PRMT3: variants seen among roughly 807,000 people sequenced by gnomAD.
PRMT3 encodes protein arginine methyltransferase 3, also known as protein arginine N-methyltransferase 3.
A neutral mutation model predicts 71.9 loss-of-function variants in PRMT3; 62 were observed. That is an observed-to-expected ratio of 0.86 (90% CI 0.70 to 1.07). The LOEUF (loss-of-function observed/expected upper bound fraction) is 1.07, where lower values mean the gene tolerates loss of function less well. Among genes scored for constraint, PRMT3 ranks in the 50% least tolerant of loss-of-function variants. The pLI, the probability that PRMT3 is intolerant of heterozygous loss-of-function variation, is 0.00. For synonymous variants in PRMT3, 213 were observed against 220.4 expected (o/e 0.97, Z 0.30); for missense variants, 663 against 643.0 (o/e 1.03, Z -0.34).
intron 13 of PRMT3, among the ~76,000 whole-genome samples, chr11:20,481,624 A>AT (rs1188874492): frequency 6.6e-6 from 1 of 151,970 alleles, no homozygotes; most frequent in African/African-American, 2.4e-5. Flanking sequence ...TAATTTTGAG[A>AT]TTTTTCCCAT....
At chr11:20,392,017 T>C (rs7932200) in intron 3 of PRMT3, among the ~76,000 whole-genome samples, 194 bp from the exon 4 acceptor site, 124,747 of 152,148 alleles carry the variant, frequency 0.82, 53,066 homozygotes, top group Non-Finnish European at 0.95. Context: ...AATTTGTCAT[T>C]TATGGCTGCT....
At chr11:20,441,511 G>A (rs1174853692) in intron 10 of PRMT3, among the ~76,000 whole-genome samples, 1 of 151,690 alleles carries the variant, frequency 6.6e-6, no homozygotes, top group Admixed American at 6.6e-5. Context: ...GTTTCACCAT[G>A]TTAGCCAGGA....
intron 8 of PRMT3, among the ~76,000 whole-genome samples, chr11:20,404,977 A>G (rs1424264144): frequency 6.6e-6 from 1 of 152,226 alleles, no homozygotes; most frequent in African/African-American, 2.4e-5. Context: ...GACTTGTCTT[A>G]TAATAGGTAA....
At chr11:20,507,648 G>A (rs141398498) in intron 15 of PRMT3, among the ~76,000 whole-genome samples, 6 of 151,634 alleles carry the variant, frequency 4.0e-5, no homozygotes, top group African/African-American at 9.7e-5. Flanking sequence ...TCATGGTGGC[G>A]CATGCCTGTA....
At chr11:20,412,547 T>A (rs569534207) in intron 9 of PRMT3, among the ~76,000 whole-genome samples, 31 of 152,282 alleles carry the variant, frequency 2.0e-4, no homozygotes, top group African/African-American at 6.3e-4. Context: ...CGATTTTTTT[T>A]ATACATTTCC....
At chr11:20,471,475 TC>T (rs1232648424) in intron 13 of PRMT3, among the ~76,000 whole-genome samples, 1 of 152,144 alleles carries the variant, frequency 6.6e-6, no homozygotes, top group African/African-American at 2.4e-5. Flanking sequence ...GAGACTCCTT[TC>T]CCCTTTGCTT....
At chr11:20,388,248 G>C (rs1160288729) in intron 2 of PRMT3, 94 bp downstream of exon 2, 18 of 1,556,432 alleles carry the variant, frequency 1.2e-5, no homozygotes, top group Admixed American at 1.8e-5. Flanking sequence ...AGGCAAGCCA[G>C]AGTGGCCTGT....
chr11:20,491,004 G>A (rs1450858908), intron 13 of PRMT3, among the ~76,000 whole-genome samples: 13 of 151,946 alleles, frequency 8.6e-5, no homozygotes, highest in Non-Finnish European at 4.4e-5. Flanking sequence ...CCAATGACAC[G>A]TTAGATCTAT....
chr11:20,422,758 A>T (rs552658651), intron 9 of PRMT3, among the ~76,000 whole-genome samples: 14 of 152,326 alleles, frequency 9.2e-5, no homozygotes, highest in Non-Finnish European at 1.5e-4. Flanking sequence ...TCCTGAGCTA[A>T]CATAGTTTCA....
chr11:20,477,805 C>CA (rs1008672763), intron 13 of PRMT3, among the ~76,000 whole-genome samples: 4 of 133,012 alleles, frequency 3.0e-5, no homozygotes, highest in African/African-American at 1.1e-4. Context: ...AGGAGAAACC[C>CA]CCCCCCCCCA....
At chr11:20,456,209 G>A (rs1850264349) in intron 11 of PRMT3, among the ~76,000 whole-genome samples, 1 of 152,076 alleles carries the variant, frequency 6.6e-6, no homozygotes, top group Admixed American at 6.5e-5. Context: ...ATAGAAAATT[G>A]GACAAATAAT....
At chr11:20,411,159 A>G (rs1849184034) in intron 9 of PRMT3, among the ~76,000 whole-genome samples, 1 of 152,112 alleles carries the variant, frequency 6.6e-6, no homozygotes, top group South Asian at 2.1e-4. Flanking sequence ...TTAGGGTTCA[A>G]GATACCTAAG....
In PRMT3 at chr11:20,494,211, A is replaced by G; in HGVS notation, c.1443A>G (p.Lys481=). 6.2e-7 allele frequency: 1 copy of G among 1,611,584 alleles called. No individual in the cohort carries two copies. The highest frequency in any genetic ancestry group is 1.1e-5 in the South Asian group (1 of 90,972). Residue 481 remains lysine, a synonymous_variant, in exon 15 of 16, where the codon AAA becomes AAG. Coordinates refer to ENST00000331079, the MANE Select transcript of PRMT3 (RefSeq NM_005788.4). ...TGPQSTKTHW[K]QTVFLLEKPF... is the part of the protein sequence containing the mutation. ...CTCAGAGCACCAAAACACACTGGAAACAAACAGTATTTCTACTGGAAAAAC... is the reference window on the plus strand; with the variant it reads ...CTCAGAGCACCAAAACACACTGGAAGCAAACAGTATTTCTACTGGAAAAAC...
chr11:20,411,938 TCCACA>T (rs1231407390), intron 9 of PRMT3, among the ~76,000 whole-genome samples: 1 of 152,160 alleles, frequency 6.6e-6, no homozygotes, highest in Non-Finnish European at 1.5e-5. Context: ...ACAAATTGTA[TCCACA>T]TAAGACTTGT....
chr11:20,436,038 C>G (rs970392940), intron 10 of PRMT3, among the ~76,000 whole-genome samples: 1 of 152,110 alleles, frequency 6.6e-6, no homozygotes, highest in Non-Finnish European at 1.5e-5. Flanking sequence ...TCTTTCAACT[C>G]TTTGTTTAAA....
chr11:20,492,662 T>G (rs992718712), intron 13 of PRMT3, among the ~76,000 whole-genome samples: 1 of 152,230 alleles, frequency 6.6e-6, no homozygotes, highest in Non-Finnish European at 1.5e-5. Context: ...AAAAAGTGAT[T>G]AAGTCCAGCT....
intron 15 of PRMT3, among the ~76,000 whole-genome samples, chr11:20,502,723 A>G (rs1851486936): frequency 6.6e-6 from 1 of 152,202 alleles, no homozygotes; most frequent in African/African-American, 2.4e-5. Context: ...GGACTTCTAT[A>G]AACAAGACAG....
At chr11:20,425,502 T>A (rs1389290372) in intron 9 of PRMT3, among the ~76,000 whole-genome samples, 1 of 152,206 alleles carries the variant, frequency 6.6e-6, no homozygotes, top group Non-Finnish European at 1.5e-5. Flanking sequence ...CAGAATTACA[T>A]ACACAGGTGA....
Position 20,389,755 on chromosome 11 carries a change from C to T in PRMT3, c.176C>T (p.Ser59Phe). ...PCLFCNRLFT[S>F]AEETFSHCKS... ...GCTTGATTTTTCAGGTTATTCACAT[C>T]TGCTGAAGAAACATTTTCACACTGT... Residue 59 changes from serine (S) to phenylalanine (F), a missense_variant, in exon 3 of 16, where the codon TCT (serine) becomes TTT (phenylalanine). By Grantham distance (155) the Ser-to-Phe change is radical. Transcript: ENST00000331079. The T allele has an allele frequency of 5.0e-6, 8 of 1,609,468 alleles. No individual in the cohort carries two copies. The highest frequency in any genetic ancestry group is 6.8e-6 in the Non-Finnish European group (8 of 1,176,398).
Sources: gnomAD v4.1 joint callset for allele counts (sites outside exome capture counted in the v4.1 genomes callset) on GRCh38, gnomAD v4.1.1 for gene constraint, MANE v1.5 for transcripts, NCBI Gene and HGNC (gene_info 2026-07-23, HGNC 2026-07-21) for gene names.